TMEM132C: variants seen among roughly 807,000 people sequenced by gnomAD.
TMEM132C encodes the protein protein phosphatase 1, regulatory subunit 152.
In TMEM132C, 29 loss-of-function variants were observed where a neutral mutation model predicts 61.4. The ratio of observed to expected loss-of-function variants is 0.47; its 90% CI spans 0.35 to 0.64. TMEM132C has a LOEUF of 0.64. TMEM132C is among the 30% of genes least tolerant of loss of function. The pLI is 0.00. For synonymous variants in TMEM132C, 656 were observed against 633.1 expected (o/e 1.04, Z -0.54); for missense variants, 1,408 against 1,476.9 (o/e 0.95, Z 0.76).
At chr12:128,627,591 C>G (rs2079600109) in intron 4 of TMEM132C, among the ~76,000 whole-genome samples, 1 of 152,180 alleles carries the variant, frequency 6.6e-6, no homozygotes, top group Admixed American at 6.5e-5. Flanking sequence ...ACGAGCATAA[C>G]AGACATAAGG....
intron 4 of TMEM132C, among the ~76,000 whole-genome samples, chr12:128,619,017 C>T (rs1876903699): frequency 6.6e-6 from 1 of 152,052 alleles, no homozygotes; most frequent in South Asian, 2.1e-4. Context: ...AGCTTTAGGA[C>T]ATTTATAACC....
chr12:128,359,577 G>A (rs375033884), intron 1 of TMEM132C, among the ~76,000 whole-genome samples: 2 of 152,152 alleles, frequency 1.3e-5, no homozygotes, highest in African/African-American at 4.8e-5. Context: ...ATAGTCACAT[G>A]AGAAAAAACA....
At chr12:128,462,623 A>T (rs1870576708) in intron 2 of TMEM132C, among the ~76,000 whole-genome samples, 1 of 152,180 alleles carries the variant, frequency 6.6e-6, no homozygotes, top group Non-Finnish European at 1.5e-5. Context: ...GGAAAGCCAC[A>T]CTCTAACTCT....
intron 1 of TMEM132C, among the ~76,000 whole-genome samples, chr12:128,295,673 G>A (rs1458962976): frequency 2.0e-5 from 3 of 149,942 alleles, no homozygotes; most frequent in Middle Eastern, 3.5e-3. Context: ...AAAAGGGTGG[G>A]GTACAACCTG....
intron 5 of TMEM132C, among the ~76,000 whole-genome samples, chr12:128,692,030 A>C (rs922424515): frequency 2.1e-5 from 3 of 145,238 alleles, no homozygotes; most frequent in Admixed American, 6.7e-5. Context: ...CAGTTCATCT[A>C]TCTATCCAGC....
intron 2 of TMEM132C, among the ~76,000 whole-genome samples, chr12:128,531,735 G>A (rs1324697169): frequency 6.6e-6 from 1 of 152,138 alleles, no homozygotes; most frequent in Non-Finnish European, 1.5e-5. Flanking sequence ...CTTTTGACAG[G>A]GGCAGAAAGT....
intron 4 of TMEM132C, among the ~76,000 whole-genome samples, chr12:128,616,853 T>G (rs186001898): frequency 1.8e-3 from 267 of 152,330 alleles, no homozygotes; most frequent in South Asian, 8.3e-3. Flanking sequence ...ACCATCTATC[T>G]GACTCACAAT....
chr12:128,488,724 A>G (rs900375559), intron 2 of TMEM132C, among the ~76,000 whole-genome samples: 2 of 151,476 alleles, frequency 1.3e-5, no homozygotes, highest in Admixed American at 6.6e-5. Flanking sequence ...AATGTTATAT[A>G]TACTTGTTTT....
intron 1 of TMEM132C, among the ~76,000 whole-genome samples, chr12:128,337,321 A>G (rs1872816269): frequency 1.3e-5 from 2 of 152,128 alleles, no homozygotes; most frequent in South Asian, 2.1e-4. Context: ...CTCCTTGATG[A>G]TATTTTTCTA....
intron 5 of TMEM132C, among the ~76,000 whole-genome samples, chr12:128,675,463 G>C (rs1427469733): frequency 3.9e-5 from 6 of 152,184 alleles, no homozygotes; most frequent in Admixed American, 3.9e-4. Context: ...TATAGTCTCT[G>C]TACATTCAAA....
At chr12:128,700,721 A>G (rs901456324) in intron 8 of TMEM132C, among the ~76,000 whole-genome samples, 1 of 152,236 alleles carries the variant, frequency 6.6e-6, no homozygotes, top group African/African-American at 2.4e-5. Flanking sequence ...AGAAAGTAGG[A>G]TCGAAAAATG....
intron 2 of TMEM132C, among the ~76,000 whole-genome samples, chr12:128,480,618 C>G (rs1351102166): frequency 6.6e-6 from 1 of 152,086 alleles, no homozygotes; most frequent in Non-Finnish European, 1.5e-5. Flanking sequence ...GAAAGAACAG[C>G]TGTCCTCTGT....
At chr12:128,330,437 C>T (rs562228026) in intron 1 of TMEM132C, among the ~76,000 whole-genome samples, 8 of 152,272 alleles carry the variant, frequency 5.3e-5, no homozygotes, top group Admixed American at 3.9e-4. Flanking sequence ...CCTGTAGTCC[C>T]TGCTACTGAG....
intron 1 of TMEM132C, among the ~76,000 whole-genome samples, chr12:128,377,540 T>A (rs1412096888): frequency 6.6e-6 from 1 of 152,056 alleles, no homozygotes; most frequent in Non-Finnish European, 1.5e-5. Context: ...CAGACTAGCA[T>A]GGAATGAAAT....
chr12:128,596,820 C>CTTCCCACTGACGACTGTTTGTTAATA (rs1555234739), intron 3 of TMEM132C, among the ~76,000 whole-genome samples: 21 of 152,216 alleles, frequency 1.4e-4, no homozygotes, highest in African/African-American at 5.1e-4. Flanking sequence ...ACGCAGGGCT[C>CTTCCCACTGACGACTGTTTGTTAATA]TTCCCACTGA....
chr12:128,520,881 G>C (rs761308730), intron 2 of TMEM132C, among the ~76,000 whole-genome samples: 11 of 151,694 alleles, frequency 7.3e-5, no homozygotes, highest in Non-Finnish European at 1.3e-4. Context: ...GGGAGGGAGA[G>C]TTGTGTGTTT....
At chr12:128,612,021 T>G (rs1876651642) in intron 3 of TMEM132C, among the ~76,000 whole-genome samples, 1 of 152,190 alleles carries the variant, frequency 6.6e-6, no homozygotes, top group African/African-American at 2.4e-5. Flanking sequence ...AAAGGCTGTG[T>G]GGGGGTGGAG....
chr12:128,629,412 A>G (rs933436833), intron 4 of TMEM132C, among the ~76,000 whole-genome samples: 1 of 152,168 alleles, frequency 6.6e-6, no homozygotes, highest in Non-Finnish European at 1.5e-5. Flanking sequence ...TTGAGGCTAC[A>G]GTGAGCCATG....
At chr12:128,505,523 G>A (rs1872326824) in intron 2 of TMEM132C, among the ~76,000 whole-genome samples, 2 of 152,128 alleles carry the variant, frequency 1.3e-5, no homozygotes. Flanking sequence ...CCACCCCCAT[G>A]GAGGAGAAAC....
Sources: allele counts gnomAD v4.1 joint callset (sites outside exome capture counted in the v4.1 genomes callset), GRCh38; gene constraint gnomAD v4.1.1; transcripts MANE v1.5; gene names NCBI Gene and HGNC (gene_info 2026-07-23, HGNC 2026-07-21).